The following NAPA variants were observed in gnomAD, a reference collection of about 807,000 sequenced individuals.
NAPA encodes alpha-soluble NSF attachment protein.
A neutral mutation model predicts 48.0 loss-of-function variants in NAPA; 18 were observed. That is an observed-to-expected ratio of 0.38 (90% CI 0.26 to 0.56). NAPA has a LOEUF of 0.56. NAPA is among the 20% of genes least tolerant of loss of function. NAPA has a pLI of 0.77. For missense variants in NAPA, 315 were observed against 385.0 expected (o/e 0.82, Z 1.52); for synonymous variants, 152 against 149.9 (o/e 1.01, Z -0.10).
intron 1 of NAPA, among the ~76,000 whole-genome samples, chr19:47,507,510 C>A (rs577765036): frequency 6.6e-6 from 1 of 152,146 alleles, no homozygotes; most frequent in Non-Finnish European, 1.5e-5. Flanking sequence ...AAGTCAGGCC[C>A]CCATTTCGGG....
chr19:47,513,846 C>CTTTCTTTTT (rs1555763093), intron 1 of NAPA, among the ~76,000 whole-genome samples: 1 of 115,854 alleles, frequency 8.6e-6, no homozygotes, highest in African/African-American at 3.8e-5. Context: ...TTCTTTCTTT[C>CTTTCTTTTT]TTTTTTTTTT....
chr19:47,511,243 A>G (rs1284590828), intron 1 of NAPA, among the ~76,000 whole-genome samples: 2 of 152,204 alleles, frequency 1.3e-5, no homozygotes, highest in African/African-American at 2.4e-5. Context: ...TGTTGAACAC[A>G]AGCAAACCCA....
chr19:47,492,846 A>G (rs1599896098), intron 7 of NAPA, 115 bp downstream of exon 7: 2 of 920,726 alleles, frequency 2.2e-6, no homozygotes, highest in Non-Finnish European at 3.5e-6. Context: ...GTCGGGGGAG[A>G]GGCAGAGGGT....
chr19:47,494,429 G>A (rs1968361610), intron 4 of NAPA, among the ~76,000 whole-genome samples: 1 of 152,234 alleles, frequency 6.6e-6, no homozygotes, highest in African/African-American at 2.4e-5. Context: ...GAGACAGACA[G>A]GGCAAGCGGA....
chr19:47,488,233 A>G lies in NAPA; in HGVS notation c.*55T>C. ...AAGCTCTCCAGCAAGTCTCGGCCCC[A>G]CCTCTCTCTGAGCAGATGGGACAGG... On this transcript the variant is annotated 3_prime_UTR_variant, in exon 11 of 11. Coordinates refer to ENST00000263354, the MANE Select transcript of NAPA (RefSeq NM_003827.4). The G allele has an allele frequency of 1.3e-6, 2 of 1,500,300 alleles. No individual in the cohort carries two copies. The highest frequency in any genetic ancestry group is 1.8e-6 in the Non-Finnish European group (2 of 1,091,232). 92.9% of individuals were successfully genotyped at this position (1,500,300 alleles called of 1,614,324 possible).
chr19:47,493,401 C>T lies in NAPA; in HGVS notation c.420+15G>A, dbSNP rs750777396. Reference sequence around the variant, plus strand: ...TCCTGGCTGCCAGCCCATGCAGGGCCCTGCTGCCACTCACCTTCTCGATGT... The same window carrying T: ...TCCTGGCTGCCAGCCCATGCAGGGCTCTGCTGCCACTCACCTTCTCGATGT... On this transcript the variant is annotated intron_variant, in intron 5 of 10. Transcript: ENST00000263354. The surrounding 1 kb of genome is among the most constrained non-coding windows in gnomAD (Gnocchi z 6.4). The T allele has an allele frequency of 1.2e-6, 2 of 1,613,606 alleles. No individual in the cohort carries two copies. The highest frequency in any genetic ancestry group is 1.7e-6 in the Non-Finnish European group (2 of 1,179,650).
Position 47,493,760 on chromosome 19 carries a change from C to A in NAPA, c.343-267G>T. On this transcript the variant is annotated intron_variant, in intron 4 of 10. Coordinates refer to ENST00000263354, the MANE Select transcript of NAPA (RefSeq NM_003827.4). The surrounding 1 kb of genome is among the most constrained non-coding windows in gnomAD (Gnocchi z 6.4). ...GGCCTTAGCCTAATTCCATCCCATC[C>A]ACGAGGGCACAGATGGTGTGACACC... The A allele has an allele frequency of 2.1e-6, 1 of 472,630 alleles. No homozygotes were observed. The highest frequency in any genetic ancestry group is 3.9e-6 in the Non-Finnish European group (1 of 257,438). The allele number at this position is 472,630 out of a possible 1,614,324, so 29.3% of individuals were successfully genotyped here.
intron 8 of NAPA, 145 bp downstream of exon 8, chr19:47,491,870 G>A (rs1329087165): frequency 5.6e-6 from 4 of 717,798 alleles, no homozygotes; most frequent in Non-Finnish European, 9.4e-6. Flanking sequence ...ACAGCTGTGA[G>A]AACCACACTT....
Position 47,493,561 on chromosome 19 carries a change from G to T in NAPA, c.343-68C>A. 2 of 1,410,118 alleles carry T rather than the reference G, an allele frequency of 1.4e-6. No individual in the cohort carries two copies. The highest frequency in any genetic ancestry group is 2.3e-5 in the South Asian group (2 of 86,970). 87.4% of individuals were successfully genotyped at this position (1,410,118 alleles called of 1,614,324 possible). On this transcript the variant is annotated intron_variant, in intron 4 of 10. Transcript: ENST00000263354. The surrounding 1 kb of genome is among the most constrained non-coding windows in gnomAD (Gnocchi z 6.4). ...CCTGCGTGCCTGCCTGCTGACCTAT[G>T]ACCCTTCAAGTTCCCACCCCTCAGC...
chr19:47,504,419 AAGAG>A (rs1968651113), intron 1 of NAPA, among the ~76,000 whole-genome samples: 1 of 150,472 alleles, frequency 6.6e-6, no homozygotes, highest in Non-Finnish European at 1.5e-5. Context: ...AAAAAAAAAA[AAGAG>A]AAAGAGAGTG....
At position 47,493,427 on chromosome 19, in the gene NAPA, C is replaced by T; in HGVS notation, c.409G>A (p.Asp137Asn). ...CTGCTGCCACTCACCTTCTCGATGT[C>T]CACCAACTCTGTCTCATAGATCTCA... ...IAEIYETELV[D>N]IEKAIAHYEQ... The change falls in exon 5 of 11, where the codon GAC becomes AAC. Residue 137 changes from aspartate (D) to asparagine (N), a missense_variant. Asp to Asn is a conservative substitution (Grantham distance 23). Transcript: ENST00000263354. The surrounding 1 kb of genome is among the most constrained non-coding windows in gnomAD (Gnocchi z 6.4). The T allele has an allele frequency of 6.2e-7, 1 of 1,614,004 alleles. No homozygotes were observed. Among genetic ancestry groups the T allele is most frequent in the Non-Finnish European group, 8.5e-7 (1 of 1,179,940 alleles).
At chr19:47,494,735 C>CA (rs11462456) in intron 4 of NAPA, among the ~76,000 whole-genome samples, 42,802 of 67,164 alleles carry the variant, frequency 0.64, 15,326 homozygotes, top group Non-Finnish European at 0.77. Flanking sequence ...AACTCTGTCT[C>CA]AAAAAAAAAA....
Position 47,500,687 on chromosome 19 carries a change from C to T in NAPA, c.241G>A (p.Ala81Thr), listed in dbSNP as rs757358228. The T allele has an allele frequency of 1.2e-5, 20 of 1,611,830 alleles. No individual in the cohort carries two copies. The highest frequency in any genetic ancestry group is 2.2e-5 in the East Asian group (1 of 44,714). Residue 81 changes from alanine (A) to threonine (T), a missense_variant, in exon 3 of 11, where the codon GCA becomes ACA. Physicochemically the swap from Ala to Thr is moderately conservative, Grantham distance 58. This residue lies in a region of NAPA where 173 missense variants were observed against 213.5 expected (regional missense o/e 0.81). Coordinates refer to ENST00000263354, the MANE Select transcript of NAPA (RefSeq NM_003827.4). ...LHLQLQSKHD[A>T]ATCFVDAGNA... ...CCAGCGTCCACAAAGCAGGTGGCTG[C>T]GTCGTGCTTGCTCTGGAGCTGCAGG... is the stretch of plus-strand genomic sequence containing the variant.
chr19:47,500,023 A>T lies in NAPA; in HGVS notation c.295+610T>A, dbSNP rs141558911. Among the ~76,000 whole-genome samples, 4 of 152,216 alleles carry T rather than the reference A, an allele frequency of 2.6e-5. No homozygotes were observed. The East Asian group carries it at 7.7e-4, about 29-fold the overall frequency. Reference sequence around the variant, plus strand: ...CACATGCAAGCAAACACTGGGCTGGACCTCCTCTTCGGGAGGCACCCAGGG... The same window carrying T: ...CACATGCAAGCAAACACTGGGCTGGTCCTCCTCTTCGGGAGGCACCCAGGG... On this transcript the variant is annotated intron_variant, in intron 3 of 10. Transcript: ENST00000263354.
At chr19:47,490,567 T>G (rs1968235135) in intron 9 of NAPA, among the ~76,000 whole-genome samples, 1 of 151,574 alleles carries the variant, frequency 6.6e-6, no homozygotes, top group Non-Finnish European at 1.5e-5. Flanking sequence ...TGTGTGTGTG[T>G]GTGTCCACCT....
At chr19:47,489,004 T>G (rs830148) in intron 10 of NAPA, 15,779 of 151,782 alleles carry the variant, frequency 0.1, 974 homozygotes, top group South Asian at 0.16. Context: ...CTGAGTGCCA[T>G]GGGACACGGG....
chr19:47,498,039 C>G (rs914519325), intron 3 of NAPA, among the ~76,000 whole-genome samples: 3 of 152,224 alleles, frequency 2.0e-5, no homozygotes, highest in Non-Finnish European at 4.4e-5. Flanking sequence ...ATCACCCTTC[C>G]CCACCCAGAG....
At position 47,503,332 on chromosome 19, in the gene NAPA, C is replaced by T. The variant is rs1968622306; in HGVS notation, c.178+91G>A. ...GAGAGGGCATACAAAGAGAAAGGGC[C>T]CTCAAGGCCAACCTCTCGGGCAGGC... On this transcript the variant is annotated intron_variant, in intron 2 of 10. Coordinates refer to ENST00000263354, the MANE Select transcript of NAPA (RefSeq NM_003827.4). 3.3e-6 allele frequency: 4 copies of T among 1,200,090 alleles called. No homozygotes were observed. In the South Asian group the frequency reaches 4.8e-5, roughly 15 times the overall value. The allele number at this position is 1,200,090 out of a possible 1,614,324, so 74.3% of individuals were successfully genotyped here. A position where few individuals can be genotyped will look rare whatever the true frequency, so the allele number is the denominator to read the frequency against.
At chr19:47,501,614 G>A (rs953077703) in intron 2 of NAPA, 3 of 152,292 alleles carry the variant, frequency 2.0e-5, no homozygotes, top group Non-Finnish European at 4.4e-5. Flanking sequence ...ATGGGCGGAG[G>A]GCAGAAGAGA....
Sources: gnomAD v4.1 joint callset for allele counts (sites outside exome capture counted in the v4.1 genomes callset) on GRCh38, gnomAD v4.1.1 for gene constraint, gnomAD v4.1.1 regional missense constraint, Gnocchi (gnomAD v3.1) non-coding constraint, MANE v1.5 for transcripts, NCBI Gene and HGNC (gene_info 2026-07-23, HGNC 2026-07-21) for gene names.